Variants in STK10 observed in about 807,000 individuals in gnomAD.
STK10 encodes the protein serine/threonine kinase 10, also known as serine/threonine-protein kinase 10.
In STK10, 78 loss-of-function variants were observed where a neutral mutation model predicts 113.8. The ratio of observed to expected loss-of-function variants is 0.69; its 90% CI spans 0.57 to 0.83. The LOEUF (loss-of-function observed/expected upper bound fraction) is 0.83. STK10 is among the 40% of genes least tolerant of loss of function. The pLI is 0.00. For missense variants in STK10, 1,109 were observed against 1,280.1 expected (o/e 0.87, Z 2.04); for synonymous variants, 465 against 494.7 (o/e 0.94, Z 0.80).
chr5:172,107,129 C>G, intron 5 of STK10: 1 of 278,660 alleles, frequency 3.6e-6, no homozygotes, highest in Non-Finnish European at 6.8e-6. Flanking sequence ...AAAAAAGGGG[C>G]GTGGAGGTGG....
At chr5:172,156,241 C>G (rs1401376129) in intron 2 of STK10, among the ~76,000 whole-genome samples, 1 of 152,188 alleles carries the variant, frequency 6.6e-6, no homozygotes, top group East Asian at 1.9e-4. Flanking sequence ...CTTCTAAGCA[C>G]CTATCATGAA....
chr5:172,114,289 CGTGTGTGTGT>C (rs111441878), intron 4 of STK10, among the ~76,000 whole-genome samples: 3 of 138,776 alleles, frequency 2.2e-5, no homozygotes, highest in Admixed American at 7.1e-5. Context: ...TAGCTACTCT[CGTGTGTGTGT>C]GTGTGTGTGT....
chr5:172,147,872 T>C (rs1263188506), intron 2 of STK10, among the ~76,000 whole-genome samples: 1 of 152,126 alleles, frequency 6.6e-6, no homozygotes, highest in Non-Finnish European at 1.5e-5. Context: ...TCACCCAACA[T>C]GATAACAAAA....
At chr5:172,050,554 T>C (rs1767605948) in intron 18 of STK10, among the ~76,000 whole-genome samples, 1 of 152,072 alleles carries the variant, frequency 6.6e-6, no homozygotes, top group African/African-American at 2.4e-5. Flanking sequence ...AATATGGGTA[T>C]TTAGCAAACA....
intron 1 of STK10, among the ~76,000 whole-genome samples, chr5:172,177,024 A>G (rs1770770632): frequency 6.6e-6 from 1 of 152,132 alleles, no homozygotes; most frequent in Non-Finnish European, 1.5e-5. Flanking sequence ...AAATACAAAA[A>G]TTAGCCAGAT....
In STK10 at chr5:172,090,349, T is replaced by G; in HGVS notation, c.1568A>C (p.Tyr523Ser). 1 of 1,613,886 alleles carries G rather than the reference T, an allele frequency of 6.2e-7. No homozygotes were observed. The highest frequency in any genetic ancestry group is 8.5e-7 in the Non-Finnish European group (1 of 1,179,898). The change falls in exon 10 of 19, where the codon TAC becomes TCC. Residue 523 changes from tyrosine to serine, a missense_variant. This residue lies in a region of STK10 where 885 missense variants were observed against 991.1 expected (regional missense o/e 0.89). Coordinates refer to ENST00000176763, the MANE Select transcript of STK10 (RefSeq NM_005990.4). ...GCGTGTCCGCTTGAGGGTTTTTTTG[T>G]ACAGTTTCGGGTCCTGGCCAGGGAA... ...GSLSIKDPKL[Y>S]KKTLKRTRKF...
chr5:172,146,167 G>A (rs1770082844), intron 2 of STK10, among the ~76,000 whole-genome samples: 1 of 152,178 alleles, frequency 6.6e-6, no homozygotes, highest in Non-Finnish European at 1.5e-5. Context: ...CAGAGGGCAG[G>A]CCTTCGTGTC....
Position 172,180,949 on chromosome 5 carries a change from GC to G in STK10, c.156+6937del, listed in dbSNP as rs1304701919. 2.6e-5 allele frequency among the ~76,000 whole-genome samples: 4 copies of G among 152,208 alleles called. No homozygotes were observed. The East Asian group carries it at 7.7e-4, about 29-fold the overall frequency. On this transcript the variant is annotated intron_variant, in intron 1 of 18. Transcript: ENST00000176763. ...TACCAGGGAGTGATTCTGCTATAATGCTAAGGTCGTATTTGGTTACATATAG... is the reference window on the plus strand; with the variant it reads ...TACCAGGGAGTGATTCTGCTATAATGTAAGGTCGTATTTGGTTACATATAG...
At chr5:172,090,180 C>T in intron 10 of STK10, 52 bp downstream of exon 10, 2 of 1,605,004 alleles carry the variant, frequency 1.2e-6, no homozygotes, top group Admixed American at 1.7e-5. Context: ...GCCCACTCCT[C>T]TTACCATAGC....
At chr5:172,089,562 T>C (rs935046571) in intron 10 of STK10, among the ~76,000 whole-genome samples, 3 of 151,650 alleles carry the variant, frequency 2.0e-5, no homozygotes, top group Admixed American at 6.6e-5. Context: ...GGTAAATAGA[T>C]AGATGGGTAG....
intron 16 of STK10, among the ~76,000 whole-genome samples, chr5:172,054,938 A>G (rs555803781): frequency 4.1e-4 from 63 of 152,278 alleles, no homozygotes; most frequent in African/African-American, 1.3e-3. Flanking sequence ...ACACGCCAGG[A>G]AAGTGTGTGT....
In STK10 at chr5:172,120,468, T is replaced by C. The variant is rs941709570; in HGVS notation, c.371-2838A>G. ...CCGCAAGCTGCCTGCCCCCTGTCCC[T>C]GTGGCCTCATCCTGAACCTCTGTGT... On this transcript the variant is annotated intron_variant, in intron 3 of 18. Transcript: ENST00000176763. This position sits in a 1 kb window ranked among gnomAD's most constrained non-coding sequence, Gnocchi z 4.0. Among the ~76,000 whole-genome samples, 2 of 152,168 alleles carry C rather than the reference T, an allele frequency of 1.3e-5. No individual in the cohort carries two copies. The highest frequency in any genetic ancestry group is 4.8e-5 in the African/African-American group (2 of 41,456).
At chr5:172,107,687 T>C in intron 5 of STK10, 93 bp downstream of exon 5, 1 of 896,714 alleles carries the variant, frequency 1.1e-6, no homozygotes, top group Non-Finnish European at 1.6e-6. Context: ...GTAGCCCTTG[T>C]CTTCCGGCCC....
intron 7 of STK10, among the ~76,000 whole-genome samples, chr5:172,101,470 CAAAA>C (rs796588690): frequency 0.023 from 1,641 of 72,602 alleles, 29 homozygotes; most frequent in African/African-American, 0.057. Context: ...ACTCCGTCTC[CAAAA>C]AAAAAAAAAA....
At chr5:172,171,942 C>A (rs542310897) in intron 1 of STK10, among the ~76,000 whole-genome samples, 522 of 152,246 alleles carry the variant, frequency 3.4e-3, no homozygotes, top group African/African-American at 0.012. Flanking sequence ...CCTGTAAGGC[C>A]AGCACTTTGG....
At chr5:172,091,850 T>A (rs1443144209) in intron 9 of STK10, among the ~76,000 whole-genome samples, 1 of 152,178 alleles carries the variant, frequency 6.6e-6, no homozygotes, top group East Asian at 1.9e-4. Flanking sequence ...CTTTTTGGTG[T>A]AGCCCAGCCC....
intron 10 of STK10, among the ~76,000 whole-genome samples, chr5:172,088,645 C>T (rs928795164): frequency 6.6e-6 from 1 of 152,156 alleles, no homozygotes; most frequent in Non-Finnish European, 1.5e-5. Context: ...GGCCTGGCCC[C>T]CAGGGGACTC....
intron 7 of STK10, among the ~76,000 whole-genome samples, chr5:172,101,897 G>C (rs1458207239): frequency 3.9e-5 from 6 of 152,118 alleles, no homozygotes; most frequent in Non-Finnish European, 7.3e-5. Context: ...AGCACAGCAA[G>C]GCGGCTGGGC....
chr5:172,061,366 G>T, intron 13 of STK10, 98 bp from the exon 14 acceptor site: 1 of 1,465,846 alleles, frequency 6.8e-7, no homozygotes, highest in South Asian at 1.4e-5. Context: ...GATCAGAGAA[G>T]AAAATGCAGG....
Sources: allele counts gnomAD v4.1 joint callset (sites outside exome capture counted in the v4.1 genomes callset), GRCh38; gene constraint gnomAD v4.1.1; regional missense constraint gnomAD v4.1.1; non-coding constraint Gnocchi (gnomAD v3.1); transcripts MANE v1.5; gene names NCBI Gene and HGNC (gene_info 2026-07-23, HGNC 2026-07-21).